The following GOLGB1 variants were observed in gnomAD, a reference collection of about 807,000 sequenced individuals.
GOLGB1 encodes golgin subfamily B member 1.
Under a neutral mutation model 336.9 loss-of-function variants are expected in GOLGB1, and 174 were observed. The observed-to-expected ratio is 0.52, with a 90% CI of 0.46 to 0.59. The LOEUF (loss-of-function observed/expected upper bound fraction) is 0.59, where lower values mean the gene tolerates loss of function less well. Among genes scored for constraint, GOLGB1 ranks in the 20% least tolerant of loss-of-function variants. The pLI, the probability that GOLGB1 is intolerant of heterozygous loss-of-function variation, is 0.00. For missense variants in GOLGB1, 3,331 were observed against 3,645.3 expected (o/e 0.91, Z 2.22); for synonymous variants, 1,208 against 1,289.2 (o/e 0.94, Z 1.35).
rs559555793 is a variant in GOLGB1, at chr3:121,673,560, G to A, written c.9177+3333C>T. ...ATTAATTCTTCTAATCCATGAGCAC[G>A]AAATATCTTTCCTTTTTTTAGTGTC... On this transcript the variant is annotated intron_variant, in intron 17 of 21. Transcript: ENST00000614479. Among the ~76,000 whole-genome samples, 14 of 152,228 alleles carry A rather than the reference G, an allele frequency of 9.2e-5. No homozygotes were observed. The East Asian group carries it at 1.4e-3, about 15-fold the overall frequency.
In GOLGB1 at chr3:121,697,515, G is replaced by A; in HGVS notation, c.3008C>T (p.Ala1003Val). ...NEQRKRKLQA[A>V]LINRKELLQR... The stretch of plus-strand genomic sequence containing the variant: ...CAGAAGCTCCTTTCTGTTAATAAGA[G>A]CTGCCTGGAGCTTTCTCTTTCTCTG... Residue 1003 changes from alanine (A) to valine (V), a missense_variant, in exon 13 of 22, where the codon GCT becomes GTT. Physicochemically the swap from Ala to Val is moderately conservative, Grantham distance 64. Transcript: ENST00000614479. 1 of 1,613,336 alleles carries A rather than the reference G, an allele frequency of 6.2e-7. No homozygotes were observed. The highest frequency in any genetic ancestry group is 1.1e-5 in the South Asian group (1 of 90,994).
In GOLGB1 at chr3:121,716,792, G is replaced by C; in HGVS notation, c.1233C>G (p.Leu411=). Reference sequence around the variant, plus strand: ...GAACTGCTTGCTCATTCTTATCTTGGAGAAGCTTTGAATTTTGATCCTTTA... The same window carrying C: ...GAACTGCTTGCTCATTCTTATCTTGCAGAAGCTTTGAATTTTGATCCTTTA... The part of the protein sequence containing the change: ...DALKDQNSKL[L]QDKNEQAVQS... Residue 411 remains leucine (L), a synonymous_variant, in exon 9 of 22, where the codon CTC becomes CTG. Coordinates refer to ENST00000614479, the MANE Select transcript of GOLGB1 (RefSeq NM_001366282.2). The C allele has an allele frequency of 1.2e-6, 2 of 1,613,480 alleles. No homozygotes were observed. The highest frequency in any genetic ancestry group is 1.7e-6 in the Non-Finnish European group (2 of 1,179,508).
At chr3:121,723,145 T>C (rs1167344562) in intron 5 of GOLGB1, among the ~76,000 whole-genome samples, 6 of 152,252 alleles carry the variant, frequency 3.9e-5, no homozygotes, top group Non-Finnish European at 7.3e-5. Context: ...GGGCTTAAAA[T>C]GGGTCTGATA....
chr3:121,706,301 T>C (rs143576268), intron 10 of GOLGB1, among the ~76,000 whole-genome samples: 87 of 151,986 alleles, frequency 5.7e-4, no homozygotes, highest in African/African-American at 2.0e-3. Context: ...AACACAGAGA[T>C]TGAAAAAGCT....
At chr3:121,727,696 C>T (rs1346916814) in intron 4 of GOLGB1, among the ~76,000 whole-genome samples, 7 of 151,858 alleles carry the variant, frequency 4.6e-5, no homozygotes, top group African/African-American at 1.7e-4. Flanking sequence ...AAAAGCTCTC[C>T]CTTAGACTGA....
At chr3:121,746,392 T>C (rs1318465279) in intron 1 of GOLGB1, among the ~76,000 whole-genome samples, 2 of 152,224 alleles carry the variant, frequency 1.3e-5, no homozygotes, top group African/African-American at 4.8e-5. Context: ...ATACACAGCG[T>C]GACCTGCCAA....
At position 121,669,367 on chromosome 3, in the gene GOLGB1, G is replaced by A. The variant is rs2107554849; in HGVS notation, c.9178-12C>T. 1.2e-6 allele frequency: 2 copies of A among 1,611,596 alleles called. No individual in the cohort carries two copies. Among genetic ancestry groups the A allele is most frequent in the East Asian group, 2.2e-5 (1 of 44,864 alleles). The stretch of plus-strand genomic sequence containing the variant: ...AGTAGCTGAGAGAACTGAAACAGAG[G>A]CGAGGATAAGCATCATCCTGCAGTA... On this transcript the variant is annotated splice_polypyrimidine_tract_variant and intron_variant, in intron 17 of 21. Transcript: ENST00000614479.
intron 10 of GOLGB1, among the ~76,000 whole-genome samples, chr3:121,706,956 C>G (rs952108716): frequency 1.3e-5 from 2 of 151,382 alleles, no homozygotes; most frequent in African/African-American, 4.9e-5. Context: ...CTCACACCTG[C>G]AATCCCAGCA....
At chr3:121,747,427 A>G (rs1016747235) in intron 1 of GOLGB1, among the ~76,000 whole-genome samples, 33 of 147,396 alleles carry the variant, frequency 2.2e-4, no homozygotes, top group East Asian at 5.9e-4. Context: ...ATATATATAC[A>G]TATATACACA....
At chr3:121,673,012 T>G (rs1939768365) in intron 17 of GOLGB1, among the ~76,000 whole-genome samples, 1 of 152,182 alleles carries the variant, frequency 6.6e-6, no homozygotes, top group Non-Finnish European at 1.5e-5. Context: ...GCCAGTATCA[T>G]GCTCATTAAA....
chr3:121,731,725 G>GA (rs1348327837), intron 1 of GOLGB1, among the ~76,000 whole-genome samples: 2 of 151,902 alleles, frequency 1.3e-5, no homozygotes, highest in Non-Finnish European at 2.9e-5. Context: ...GCATATATTA[G>GA]AAAAGGAGGA....
At chr3:121,677,228 A>C in intron 16 of GOLGB1, 57 bp downstream of exon 16, 1 of 1,386,708 alleles carries the variant, frequency 7.2e-7, no homozygotes, top group Non-Finnish European at 1.0e-6. Context: ...CCCTGCAATC[A>C]TCATCATTTG....
At chr3:121,693,207 C>T (rs955334563) in intron 13 of GOLGB1, among the ~76,000 whole-genome samples, 4 of 152,112 alleles carry the variant, frequency 2.6e-5, no homozygotes, top group Admixed American at 1.3e-4. Flanking sequence ...AATACAGAGG[C>T]CAGGTGCAAT....
chr3:121,742,546 A>T (rs1211052979), intron 1 of GOLGB1, among the ~76,000 whole-genome samples: 1 of 152,234 alleles, frequency 6.6e-6, no homozygotes, highest in African/African-American at 2.4e-5. Flanking sequence ...ACCATTCAGG[A>T]CATAGGCATG....
At chr3:121,744,581 T>C (rs1947115613) in intron 1 of GOLGB1, among the ~76,000 whole-genome samples, 3 of 139,322 alleles carry the variant, frequency 2.2e-5, no homozygotes, top group South Asian at 4.4e-4. Context: ...ATCACACCAC[T>C]GCACTCCAGC....
chr3:121,669,670 G>C (rs1024892072), intron 17 of GOLGB1, among the ~76,000 whole-genome samples: 17 of 152,058 alleles, frequency 1.1e-4, no homozygotes, highest in Admixed American at 1.0e-3. Context: ...AGGCTATTCT[G>C]GGTACATAAG....
At chr3:121,700,802 A>G (rs1242849384) in intron 11 of GOLGB1, among the ~76,000 whole-genome samples, 2 of 152,040 alleles carry the variant, frequency 1.3e-5, no homozygotes, top group African/African-American at 4.8e-5. Flanking sequence ...TTCAGGTTTA[A>G]AGTCCTCAGA....
chr3:121,698,972 A>G, intron 12 of GOLGB1, 43 bp from the exon 13 acceptor site: 3 of 1,406,022 alleles, frequency 2.1e-6, no homozygotes, highest in Non-Finnish European at 1.9e-6. Flanking sequence ...CAAATGTTTT[A>G]TAACATTAAA....
In GOLGB1 at chr3:121,697,177, G is replaced by C. The variant is rs200179825; in HGVS notation, c.3346C>G (p.Leu1116Val). ...LQDKTNQIDL[L>V]QAEISENQAI... Reference sequence around the variant, plus strand: ...TGGTTTTCACTGATTTCTGCTTGGAGCAAATCTATTTGGTTTGTTTTATCT... The same window carrying C: ...TGGTTTTCACTGATTTCTGCTTGGACCAAATCTATTTGGTTTGTTTTATCT... The change falls in exon 13 of 22, where the codon CTC becomes GTC. Residue 1116 changes from leucine to valine, a missense_variant. Transcript: ENST00000614479. 2.5e-4 allele frequency: 404 copies of C among 1,613,890 alleles called. 2 individuals carry two copies. The highest frequency in any genetic ancestry group is 2.4e-4 in the Non-Finnish European group (287 of 1,179,946).
Sources: gnomAD v4.1 joint callset for allele counts (sites outside exome capture counted in the v4.1 genomes callset) on GRCh38, gnomAD v4.1.1 for gene constraint, MANE v1.5 for transcripts, NCBI Gene and HGNC (gene_info 2026-07-23, HGNC 2026-07-21) for gene names.